The following PBX1 variants were observed in gnomAD, a reference collection of about 807,000 sequenced individuals.
PBX1 encodes the protein pre-B-cell leukemia transcription factor 1.
PBX1 carries 6 observed loss-of-function variants against 53.4 expected under a neutral mutation model. That is an observed-to-expected ratio of 0.11 (90% CI 0.06 to 0.22). The LOEUF is 0.22. Ranked by LOEUF, PBX1 falls within the 10% of genes least tolerant of loss-of-function variation. The pLI, the probability that PBX1 is intolerant of heterozygous loss-of-function variation, is 1.00. For missense variants in PBX1, 251 were observed against 551.4 expected (o/e 0.46, Z 5.46); for synonymous variants, 204 against 212.3 (o/e 0.96, Z 0.34).
At chr1:164,724,591 G>A (rs1664587512) in intron 2 of PBX1, among the ~76,000 whole-genome samples, 1 of 147,716 alleles carries the variant, frequency 6.8e-6, no homozygotes, top group South Asian at 2.1e-4. Context: ...GGACAAGCTT[G>A]CGTCTAGACA....
At chr1:164,772,017 A>T (rs182560093) in intron 2 of PBX1, among the ~76,000 whole-genome samples, 1 of 151,794 alleles carries the variant, frequency 6.6e-6, no homozygotes, top group Non-Finnish European at 1.5e-5. Context: ...AATAGGGGGG[A>T]AAAAAATCCT....
chr1:164,615,621 G>A (rs899164354), intron 2 of PBX1, among the ~76,000 whole-genome samples: 15 of 152,108 alleles, frequency 9.9e-5, no homozygotes, highest in Admixed American at 7.9e-4. Context: ...CCGCCGCACC[G>A]TTGATTGGAT....
chr1:164,579,265 T>C (rs1654456335), intron 2 of PBX1, among the ~76,000 whole-genome samples: 1 of 152,212 alleles, frequency 6.6e-6, no homozygotes, highest in South Asian at 2.1e-4. Flanking sequence ...AATAAGTACA[T>C]GTAGACAATT....
At chr1:164,818,058 G>C (rs1669964619) in intron 6 of PBX1, 1 of 152,152 alleles carries the variant, frequency 6.6e-6, no homozygotes, top group African/African-American at 2.4e-5. Context: ...GGTTCTTGGA[G>C]CTGATTCTTC....
At chr1:164,845,538 G>A (rs139782086) in intron 8 of PBX1, among the ~76,000 whole-genome samples, 55 of 152,318 alleles carry the variant, frequency 3.6e-4, no homozygotes, top group Non-Finnish European at 6.9e-4. Context: ...AGGCATTTTA[G>A]CACACTTATA....
intron 6 of PBX1, chr1:164,814,739 C>CA: frequency 6.5e-6 from 1 of 154,620 alleles, no homozygotes; most frequent in Non-Finnish European, 1.4e-5. Context: ...ACTCCAACTC[C>CA]AAAAACAAAA....
chr1:164,807,250 C>G (rs1292686362), intron 4 of PBX1, among the ~76,000 whole-genome samples: 1 of 152,120 alleles, frequency 6.6e-6, no homozygotes, highest in Non-Finnish European at 1.5e-5. Context: ...GAGTGAAACT[C>G]CATCTCAAAA....
chr1:164,773,462 A>T (rs1344612495), intron 2 of PBX1, among the ~76,000 whole-genome samples: 1 of 152,202 alleles, frequency 6.6e-6, no homozygotes, highest in Non-Finnish European at 1.5e-5. Flanking sequence ...AGGTTTATGC[A>T]CTTATCAGTT....
At chr1:164,762,345 T>C (rs952482518) in intron 2 of PBX1, among the ~76,000 whole-genome samples, 1 of 152,228 alleles carries the variant, frequency 6.6e-6, no homozygotes, top group African/African-American at 2.4e-5. Context: ...TCTTTTCCGA[T>C]GCAATTTGCA....
intron 2 of PBX1, among the ~76,000 whole-genome samples, chr1:164,870,508 T>C (rs530506715): frequency 1.3e-5 from 2 of 151,884 alleles, no homozygotes; most frequent in South Asian, 4.2e-4. Context: ...CATGCCCAGC[T>C]AATTTTTGTA....
intron 2 of PBX1, among the ~76,000 whole-genome samples, chr1:164,750,119 AAG>A (rs1258723026): frequency 3.1e-4 from 46 of 149,658 alleles, no homozygotes; most frequent in South Asian, 1.5e-3. Flanking sequence ...GAAAAAAAAA[AAG>A]AGCTTTCAAA....
intron 2 of PBX1, among the ~76,000 whole-genome samples, chr1:164,610,681 G>A (rs35706088): frequency 0.065 from 9,822 of 152,186 alleles, 848 homozygotes; most frequent in East Asian, 0.4. Flanking sequence ...AGGACCTTAG[G>A]CCTGTTGTCC....
At chr1:164,869,129 C>A (rs1672289032) in intron 2 of PBX1, among the ~76,000 whole-genome samples, 1 of 152,224 alleles carries the variant, frequency 6.6e-6, no homozygotes, top group Non-Finnish European at 1.5e-5. Flanking sequence ...ACTTTCCATG[C>A]AGTTGCTAAG....
intron 2 of PBX1, among the ~76,000 whole-genome samples, chr1:164,723,935 T>C (rs1259637238): frequency 6.6e-6 from 1 of 152,202 alleles, no homozygotes; most frequent in Non-Finnish European, 1.5e-5. Flanking sequence ...TGGGGAGTGT[T>C]TACTGAACTC....
chr1:164,853,246 T>G (rs1041391015), downstream of PBX1, among the ~76,000 whole-genome samples: 4 of 152,128 alleles, frequency 2.6e-5, no homozygotes, highest in African/African-American at 9.7e-5. Context: ...CCATTCATAT[T>G]CCTAAATGCA....
At chr1:164,579,376 A>G (rs1654463071) in intron 2 of PBX1, among the ~76,000 whole-genome samples, 1 of 152,146 alleles carries the variant, frequency 6.6e-6, no homozygotes, top group African/African-American at 2.4e-5. Context: ...CTAGTAGAAC[A>G]TACTGGGTTA....
intron 2 of PBX1, among the ~76,000 whole-genome samples, chr1:164,663,889 G>A (rs766063508): frequency 1.4e-4 from 21 of 152,210 alleles, no homozygotes; most frequent in African/African-American, 2.2e-4. Flanking sequence ...AAGTATTAAA[G>A]AAAGTGAAAG....
intron 2 of PBX1, among the ~76,000 whole-genome samples, chr1:164,704,677 T>C (rs1663328205): frequency 6.6e-6 from 1 of 152,200 alleles, no homozygotes; most frequent in Non-Finnish European, 1.5e-5. Context: ...GATGTGTTTA[T>C]TTTTCACTGG....
chr1:164,608,201 T>TA (rs1656685626), intron 2 of PBX1, among the ~76,000 whole-genome samples: 1 of 152,246 alleles, frequency 6.6e-6, no homozygotes, highest in African/African-American at 2.4e-5. Flanking sequence ...ATTCAACAGA[T>TA]ACTTACTGAG....
Sources: allele counts gnomAD v4.1 joint callset (sites outside exome capture counted in the v4.1 genomes callset), GRCh38; gene constraint gnomAD v4.1.1; transcripts MANE v1.5; gene names NCBI Gene and HGNC (gene_info 2026-07-23, HGNC 2026-07-21).